EMILIN2: variants seen among roughly 807,000 people sequenced by gnomAD.
EMILIN2 encodes EMILIN-2.
A neutral mutation model predicts 87.1 loss-of-function variants in EMILIN2; 71 were observed. The observed-to-expected ratio is 0.82, with a 90% confidence interval of 0.67 to 0.99. The LOEUF (loss-of-function observed/expected upper bound fraction) is 0.99, where lower values mean the gene tolerates loss of function less well. EMILIN2 is among the 50% of genes least tolerant of loss of function. The pLI, the probability that EMILIN2 is intolerant of heterozygous loss-of-function variation, is 0.00. For synonymous variants in EMILIN2, 581 were observed against 563.4 expected (o/e 1.03, Z -0.44); for missense variants, 1,407 against 1,371.8 (o/e 1.03, Z -0.40).
chr18:2,890,596 A>G lies in EMILIN2; in HGVS notation c.469A>G (p.Thr157Ala). Residue 157 changes from threonine (T) to alanine (A), a missense_variant, in exon 4 of 8, where the codon ACT becomes GCT. Thr to Ala is a moderately conservative substitution (Grantham distance 58). Transcript: ENST00000254528. This position sits in a 1 kb window ranked among gnomAD's most constrained non-coding sequence, Gnocchi z 4.7. ...EPSQFSEPRKTLSPTGTAQPS... is the reference protein window; with the variant it reads ...EPSQFSEPRKALSPTGTAQPS... ...CAGCCAATTCTCAGAGCCCAGGAAG[A>G]CTTTGTCCCCAACTGGTACAGCACA... The G allele has an allele frequency of 6.3e-7, 1 of 1,593,698 alleles. No individual in the cohort carries two copies. Among genetic ancestry groups the G allele is most frequent in the Non-Finnish European group, 8.6e-7 (1 of 1,165,304 alleles).
chr18:2,887,883 C>A (rs2076810786), intron 3 of EMILIN2, among the ~76,000 whole-genome samples: 1 of 152,166 alleles, frequency 6.6e-6, no homozygotes, highest in Non-Finnish European at 1.5e-5. Flanking sequence ...CTGCTCACAA[C>A]CTTGGACTCC....
At chr18:2,900,247 G>A (rs1256713412) in intron 4 of EMILIN2, among the ~76,000 whole-genome samples, 4 of 152,080 alleles carry the variant, frequency 2.6e-5, no homozygotes, top group Non-Finnish European at 5.9e-5. Flanking sequence ...GAGTACAGTG[G>A]TGTGATTATA....
chr18:2,902,716 AAAT>A (rs750601443), intron 4 of EMILIN2, among the ~76,000 whole-genome samples: 13 of 152,198 alleles, frequency 8.5e-5, no homozygotes, highest in African/African-American at 2.4e-5. Context: ...TTTGAGCAAA[AAAT>A]AATATGATTA....
At position 2,890,557 on chromosome 18, in the gene EMILIN2, A is replaced by G. The variant is rs575276905; in HGVS notation, c.434-4A>G. 7.1e-6 allele frequency: 11 copies of G among 1,548,680 alleles called. No homozygotes were observed. The highest frequency in any genetic ancestry group is 4.8e-5 in the South Asian group (4 of 82,512). On this transcript the variant is annotated splice_polypyrimidine_tract_variant and splice_region_variant and intron_variant, in intron 3 of 7. Transcript: ENST00000254528. This position sits in a 1 kb window ranked among gnomAD's most constrained non-coding sequence, Gnocchi z 4.7. ...ATTCATGTCCAACTTTATCTTTGTA[A>G]CAGATAATGAACCCAGCCAATTCTC...
intron 2 of EMILIN2, among the ~76,000 whole-genome samples, chr18:2,856,963 A>G (rs1025730868): frequency 1.3e-5 from 2 of 152,160 alleles, no homozygotes; most frequent in African/African-American, 4.8e-5. Context: ...TTCCTGTTTT[A>G]AAATGGTGAT....
chr18:2,873,203 G>T (rs956615456), intron 2 of EMILIN2, among the ~76,000 whole-genome samples: 4 of 152,136 alleles, frequency 2.6e-5, no homozygotes, highest in Non-Finnish European at 5.9e-5. Flanking sequence ...CTGAGGTCAG[G>T]AGTTCAAGAC....
At chr18:2,897,331 A>T (rs902351510) in intron 4 of EMILIN2, among the ~76,000 whole-genome samples, 2 of 152,158 alleles carry the variant, frequency 1.3e-5, no homozygotes, top group Non-Finnish European at 2.9e-5. Flanking sequence ...CCTATTACTT[A>T]AACCCTCCAT....
At chr18:2,884,038 C>A (rs905297621) in intron 2 of EMILIN2, among the ~76,000 whole-genome samples, 2 of 152,172 alleles carry the variant, frequency 1.3e-5, no homozygotes, top group African/African-American at 2.4e-5. Flanking sequence ...TCACTGCAAG[C>A]TCCACCTCCC....
chr18:2,852,208 T>G lies in EMILIN2; in HGVS notation c.257+4277T>G, dbSNP rs1159083497. Among the ~76,000 whole-genome samples the G allele has an allele frequency of 3.9e-5, 6 of 152,354 alleles. No individual in the cohort carries two copies. The East Asian group carries it at 1.2e-3, about 29-fold the overall frequency. On this transcript the variant is annotated intron_variant, in intron 2 of 7. Transcript: ENST00000254528. The stretch of plus-strand genomic sequence containing the variant: ...CATGTGCCCTTAACCCTCTCTACTG[T>G]GGGTCATTTGCCTATGACGCATGAA...
At chr18:2,895,338 G>A (rs2076858457) in intron 4 of EMILIN2, among the ~76,000 whole-genome samples, 1 of 152,178 alleles carries the variant, frequency 6.6e-6, no homozygotes, top group Non-Finnish European at 1.5e-5. Context: ...CTTCCAGGAG[G>A]AGGTGTTACT....
At chr18:2,863,278 C>T (rs2076670349) in intron 2 of EMILIN2, among the ~76,000 whole-genome samples, 1 of 152,072 alleles carries the variant, frequency 6.6e-6, no homozygotes, top group African/African-American at 2.4e-5. Flanking sequence ...AATGTGTTTG[C>T]TCTTGCTTCT....
In EMILIN2 at chr18:2,884,361, C is replaced by T. The variant is rs573747001; in HGVS notation, c.258-603C>T. ...CCGCCTTCTGGATTCAAACAATTCT[C>T]GTGCCTCAGCGGTAGCTGGGACTAC... On this transcript the variant is annotated intron_variant, in intron 2 of 7. Coordinates refer to ENST00000254528, the MANE Select transcript of EMILIN2 (RefSeq NM_032048.3). Among the ~76,000 whole-genome samples, 6 of 152,276 alleles carry T rather than the reference C, an allele frequency of 3.9e-5. No individual in the cohort carries two copies. The South Asian group carries it at 8.3e-4, about 21-fold the overall frequency.
At chr18:2,870,581 C>G (rs2076714470) in intron 2 of EMILIN2, among the ~76,000 whole-genome samples, 1 of 152,196 alleles carries the variant, frequency 6.6e-6, no homozygotes, top group African/African-American at 2.4e-5. Context: ...AAGAGAAACA[C>G]AACGTGCTGG....
intron 3 of EMILIN2, among the ~76,000 whole-genome samples, chr18:2,888,482 G>A (rs1490808794): frequency 2.0e-5 from 3 of 152,134 alleles, no homozygotes; most frequent in East Asian, 1.9e-4. Flanking sequence ...TTGGGAGGCC[G>A]AGGCGGGTGG....
rs765202061 is a variant in EMILIN2 at position 2,890,877 on chromosome 18, T to C, written c.750T>C (p.Gly250=). 5 of 1,613,768 alleles carry C rather than the reference T, an allele frequency of 3.1e-6. No homozygotes were observed. In the African/African-American group the frequency reaches 5.3e-5, roughly 17 times the overall value. Residue 250 remains glycine (G), a synonymous_variant, in exon 4 of 8, where the codon GGT becomes GGC. Coordinates refer to ENST00000254528, the MANE Select transcript of EMILIN2 (RefSeq NM_032048.3). The surrounding 1 kb of genome is among the most constrained non-coding windows in gnomAD (Gnocchi z 4.7). ...SGDTETGQSP[G]VFNTKESGMK... ...ACACAGAAACGGGCCAGAGTCCTGGTGTCTTCAACACTAAGGAATCTGGCA... is the reference window on the plus strand; with the variant it reads ...ACACAGAAACGGGCCAGAGTCCTGGCGTCTTCAACACTAAGGAATCTGGCA...
chr18:2,877,783 A>AC (rs1201063321), intron 2 of EMILIN2, among the ~76,000 whole-genome samples: 12 of 151,872 alleles, frequency 7.9e-5, no homozygotes, highest in Non-Finnish European at 1.8e-4. Context: ...ATCTCAAAAA[A>AC]AAAAAAAAAG....
At chr18:2,901,153 C>T (rs1358627785) in intron 4 of EMILIN2, among the ~76,000 whole-genome samples, 2 of 152,232 alleles carry the variant, frequency 1.3e-5, no homozygotes, top group African/African-American at 2.4e-5. Context: ...GTGGCTTTCC[C>T]ACAGCCGAGT....
At chr18:2,885,718 A>G (rs1598496730) in intron 3 of EMILIN2, among the ~76,000 whole-genome samples, 1 of 152,024 alleles carries the variant, frequency 6.6e-6, no homozygotes, top group East Asian at 1.9e-4. Context: ...GGGTTTCACC[A>G]TGTTGGCCAG....
intron 2 of EMILIN2, among the ~76,000 whole-genome samples, chr18:2,866,062 G>A (rs187655904): frequency 6.6e-6 from 1 of 152,322 alleles, no homozygotes; most frequent in East Asian, 1.9e-4. Flanking sequence ...TTGGAAAAGT[G>A]CAGTATTAGG....
Sources: allele counts gnomAD v4.1 joint callset (sites outside exome capture counted in the v4.1 genomes callset), GRCh38; gene constraint gnomAD v4.1.1; non-coding constraint Gnocchi (gnomAD v3.1); transcripts MANE v1.5; gene names NCBI Gene and HGNC (gene_info 2026-07-23, HGNC 2026-07-21).